MYO3A: variants seen among roughly 807,000 people sequenced by gnomAD.
MYO3A encodes the protein myosin IIIA, also known as myosin-IIIa.
In MYO3A, 180 loss-of-function variants were observed where a neutral mutation model predicts 192.7. The ratio of observed to expected loss-of-function variants is 0.93; its 90% CI spans 0.83 to 1.06. The LOEUF is 1.06. MYO3A is among the 50% of genes least tolerant of loss of function. MYO3A has a pLI of 0.00. For synonymous variants in MYO3A, 628 were observed against 645.3 expected, an observed-to-expected ratio of 0.97 and a Z score of 0.41; for missense variants, 1,896 against 1,905.0, an observed-to-expected ratio of 1.00 and a Z score of 0.09.
At chr10:25,971,097 C>G (rs1049933919) in intron 4 of MYO3A, among the ~76,000 whole-genome samples, 1 of 150,756 alleles carries the variant, frequency 6.6e-6, no homozygotes, top group Non-Finnish European at 1.5e-5. Context: ...ATAGTAGAAC[C>G]GTGCATTTTT....
chr10:25,969,164 C>T (rs1014765359), intron 4 of MYO3A, among the ~76,000 whole-genome samples: 21 of 152,110 alleles, frequency 1.4e-4, no homozygotes, highest in African/African-American at 3.9e-4. Flanking sequence ...ACCCGGGAGG[C>T]GGAACTTGCA....
intron 34 of MYO3A, among the ~76,000 whole-genome samples, chr10:26,205,915 A>G (rs1025098296): frequency 1.3e-5 from 2 of 151,676 alleles, no homozygotes; most frequent in Admixed American, 6.6e-5. Flanking sequence ...CACCGTGCCC[A>G]GCCGGATTTC....
chr10:26,093,730 G>A (rs1481104977), intron 15 of MYO3A, among the ~76,000 whole-genome samples: 1 of 152,138 alleles, frequency 6.6e-6, no homozygotes, highest in Non-Finnish European at 1.5e-5. Flanking sequence ...TCAACAGAGA[G>A]CTCTACGTGA....
intron 10 of MYO3A, among the ~76,000 whole-genome samples, chr10:26,063,835 G>A (rs1323330529): frequency 5.3e-5 from 8 of 152,204 alleles, no homozygotes; most frequent in African/African-American, 1.9e-4. Flanking sequence ...AAGCTAAAGT[G>A]TAAAAGCGTA....
intron 31 of MYO3A, among the ~76,000 whole-genome samples, chr10:26,183,563 A>T (rs890210463): frequency 1.3e-5 from 2 of 152,076 alleles, no homozygotes; most frequent in African/African-American, 4.8e-5. Flanking sequence ...AATAAAACTA[A>T]AAGTCGTTTT....
intron 24 of MYO3A, 72 bp from the exon 25 acceptor site, chr10:26,154,674 T>C: frequency 7.2e-7 from 1 of 1,382,102 alleles, no homozygotes; most frequent in Admixed American, 1.7e-5. Context: ...TGAAGGAAAA[T>C]GCCACATGCT....
intron 32 of MYO3A, among the ~76,000 whole-genome samples, chr10:26,195,855 C>A (rs1449494327): frequency 6.6e-6 from 1 of 152,228 alleles, no homozygotes; most frequent in Non-Finnish European, 1.5e-5. Flanking sequence ...TTTTATGACA[C>A]TTTATCATGC....
At chr10:26,106,432 GAT>G (rs1320925371) in intron 17 of MYO3A, among the ~76,000 whole-genome samples, 1 of 151,952 alleles carries the variant, frequency 6.6e-6, no homozygotes, top group Non-Finnish European at 1.5e-5. Context: ...GAATTTTTGA[GAT>G]ATATAATCAT....
intron 10 of MYO3A, among the ~76,000 whole-genome samples, chr10:26,062,515 C>CAAAAAA (rs573334201): frequency 2.8e-4 from 12 of 42,212 alleles, no homozygotes; most frequent in Non-Finnish European, 6.9e-4. Context: ...GATGCCATCT[C>CAAAAAA]AAAAAAAAAA....
chr10:26,192,447 G>A (rs889266257), intron 31 of MYO3A, among the ~76,000 whole-genome samples: 1 of 152,076 alleles, frequency 6.6e-6, no homozygotes, highest in Non-Finnish European at 1.5e-5. Context: ...TTGGATAGAC[G>A]GGTCACTGCG....
At chr10:26,077,130 A>G (rs1464798636) in intron 14 of MYO3A, among the ~76,000 whole-genome samples, 20 of 150,712 alleles carry the variant, frequency 1.3e-4, no homozygotes. Flanking sequence ...ATCCAGGAGC[A>G]TGGGATGTGT....
intron 10 of MYO3A, among the ~76,000 whole-genome samples, chr10:26,052,695 C>T (rs1368798665): frequency 1.3e-5 from 2 of 152,270 alleles, no homozygotes; most frequent in Admixed American, 1.3e-4. Flanking sequence ...CCAGTGGCTC[C>T]TTAATCACCT....
chr10:25,978,756 T>G (rs1354439806), intron 4 of MYO3A, among the ~76,000 whole-genome samples: 2 of 152,248 alleles, frequency 1.3e-5, no homozygotes, highest in Non-Finnish European at 2.9e-5. Flanking sequence ...AATAACATTT[T>G]AAGGGAATTT....
chr10:26,096,538 CT>C (rs751151983), intron 16 of MYO3A, 29 bp from the exon 17 acceptor site: 2 of 1,595,342 alleles, frequency 1.3e-6, no homozygotes, highest in South Asian at 2.2e-5. Context: ...TAATTTTAGA[CT>C]TTTATCCTTC....
intron 31 of MYO3A, among the ~76,000 whole-genome samples, chr10:26,186,453 A>C (rs1842873892): frequency 6.6e-6 from 1 of 151,920 alleles, no homozygotes; most frequent in African/African-American, 2.4e-5. Context: ...TTTTTAGTAG[A>C]GATGGTGTTT....
At chr10:26,080,647 G>A (rs1174234392) in intron 14 of MYO3A, among the ~76,000 whole-genome samples, 2 of 151,624 alleles carry the variant, frequency 1.3e-5, no homozygotes, top group Non-Finnish European at 2.9e-5. Context: ...ATATTACCAG[G>A]GTTGGTTTTC....
At chr10:26,033,854 T>C (rs11598907) in intron 10 of MYO3A, among the ~76,000 whole-genome samples, 18,343 of 152,210 alleles carry the variant, frequency 0.12, 1,350 homozygotes, top group South Asian at 0.25. Context: ...ATGAACGTTA[T>C]AGCAGGAGAA....
chr10:26,070,498 T>G, intron 14 of MYO3A, 97 bp downstream of exon 14: 1 of 1,066,760 alleles, frequency 9.4e-7, no homozygotes, highest in Non-Finnish European at 1.4e-6. Context: ...TATCTCACAT[T>G]TAATAATGTA....
At chr10:25,968,875 A>G (rs1271241049) in intron 4 of MYO3A, among the ~76,000 whole-genome samples, 2 of 152,352 alleles carry the variant, frequency 1.3e-5, no homozygotes, top group East Asian at 3.9e-4. Flanking sequence ...TTAGTGACTT[A>G]GTATCCATCT....
Sources: gnomAD v4.1 joint callset for allele counts (sites outside exome capture counted in the v4.1 genomes callset) on GRCh38, gnomAD v4.1.1 for gene constraint, MANE v1.5 for transcripts, NCBI Gene and HGNC (gene_info 2026-07-23, HGNC 2026-07-21) for gene names.